Variants in CLDN16 observed in about 807,000 individuals in gnomAD.
CLDN16 encodes the protein claudin 16, also known as claudin-16.
A neutral mutation model predicts 24.6 loss-of-function variants in CLDN16; 13 were observed. The ratio of observed to expected loss-of-function variants is 0.53; its 90% confidence interval spans 0.34 to 0.84. The LOEUF (loss-of-function observed/expected upper bound fraction) is 0.84. Ranked by LOEUF, CLDN16 falls within the 40% of genes least tolerant of loss-of-function variation. CLDN16 has a pLI of 0.01. For missense variants in CLDN16, 298 were observed against 292.7 expected (o/e 1.02, Z -0.13); for synonymous variants, 116 against 106.7 (o/e 1.09, Z -0.54).
chr3:190,300,146 G>T, the CLDN16 span, among the ~76,000 whole-genome samples: 1 of 152,158 alleles, frequency 6.6e-6, no homozygotes, highest in African/African-American at 2.4e-5. Flanking sequence ...CTTCCACGGA[G>T]TGGGAGTTGA....
chr3:190,357,371 C>T (rs1210731238), intron 1 of CLDN16, among the ~76,000 whole-genome samples: 1 of 151,904 alleles, frequency 6.6e-6, no homozygotes, highest in Non-Finnish European at 1.5e-5. Context: ...ACTGTGTCCT[C>T]TCTCCTTACA....
chr3:190,333,945 G>A (rs1358384266), intron 1 of CLDN16, among the ~76,000 whole-genome samples: 2 of 152,100 alleles, frequency 1.3e-5, no homozygotes, highest in East Asian at 3.9e-4. Flanking sequence ...TTTAGGTAAA[G>A]AGTATTATGG....
the CLDN16 span, chr3:190,308,492 C>G: frequency 7.7e-6 from 12 of 1,552,244 alleles, no homozygotes; most frequent in South Asian, 1.2e-4. Flanking sequence ...GGCAACTTTT[C>G]TAATATAATA....
At chr3:190,290,785 GA>G in the CLDN16 span, among the ~76,000 whole-genome samples, 4 of 152,200 alleles carry the variant, frequency 2.6e-5, no homozygotes, top group Non-Finnish European at 5.9e-5. Context: ...TGAAAGAAAT[GA>G]AGAGGAATTA....
At chr3:190,390,850 A>T (rs1203559518) in intron 1 of CLDN16, among the ~76,000 whole-genome samples, 1 of 151,986 alleles carries the variant, frequency 6.6e-6, no homozygotes, top group African/African-American at 2.4e-5. Context: ...TACTGGTGTG[A>T]TCATATCTCA....
chr3:190,405,260 C>G (rs114479157), intron 3 of CLDN16, among the ~76,000 whole-genome samples: 1 of 151,722 alleles, frequency 6.6e-6, no homozygotes, highest in Non-Finnish European at 1.5e-5. Flanking sequence ...GAAACCCTAT[C>G]CCCACTAAAA....
chr3:190,381,975 A>T (rs1231145824), intron 3 of CLDN16, among the ~76,000 whole-genome samples: 3 of 152,120 alleles, frequency 2.0e-5, no homozygotes, highest in Non-Finnish European at 2.9e-5. Context: ...GGAAATACAA[A>T]ATAATGAAAG....
upstream of CLDN16, chr3:190,322,282 A>C: frequency 1.5e-6 from 2 of 1,328,388 alleles, no homozygotes; most frequent in East Asian, 2.4e-5. Context: ...GGCAACCCGG[A>C]CTCCCGAAGG....
chr3:190,409,489 A>G (rs763993367), intron 4 of CLDN16, among the ~76,000 whole-genome samples: 55 of 152,086 alleles, frequency 3.6e-4, no homozygotes, highest in Non-Finnish European at 7.4e-4. Flanking sequence ...CTATATATAT[A>G]TATTTTGATG....
At chr3:190,374,832 C>T (rs1463287715) in intron 3 of CLDN16, among the ~76,000 whole-genome samples, 4 of 151,734 alleles carry the variant, frequency 2.6e-5, no homozygotes, top group Admixed American at 6.6e-5. Flanking sequence ...TATTGTGTGC[C>T]GATTTTTATT....
At chr3:190,313,000 C>T in the CLDN16 span, 2 of 1,614,124 alleles carry the variant, frequency 1.2e-6, no homozygotes, top group Admixed American at 1.7e-5. Flanking sequence ...CAGGAGGATG[C>T]CAACCACCAT....
intron 1 of CLDN16, among the ~76,000 whole-genome samples, chr3:190,390,905 C>T (rs1372042965): frequency 2.6e-5 from 4 of 152,138 alleles, no homozygotes; most frequent in African/African-American, 9.7e-5. Context: ...CCCACCTCAG[C>T]CTCCCTAGTA....
chr3:190,400,839 G>T (rs1300592426), intron 1 of CLDN16, among the ~76,000 whole-genome samples: 1 of 152,058 alleles, frequency 6.6e-6, no homozygotes, highest in Non-Finnish European at 1.5e-5. Context: ...AGTGAGATTT[G>T]TTGGATCATA....
intron 1 of CLDN16, among the ~76,000 whole-genome samples, chr3:190,324,893 A>G (rs114282930): frequency 1.4e-3 from 208 of 152,318 alleles, no homozygotes; most frequent in African/African-American, 4.9e-3. Flanking sequence ...TCTGAAACAT[A>G]AACAGTAAAG....
chr3:190,394,153 T>A (rs1404587349), intron 1 of CLDN16, among the ~76,000 whole-genome samples: 1 of 152,162 alleles, frequency 6.6e-6, no homozygotes, highest in Non-Finnish European at 1.5e-5. Flanking sequence ...TGCTCACATT[T>A]ACAAAGAAAA....
upstream of CLDN16, among the ~76,000 whole-genome samples, chr3:190,383,637 A>G (rs1052060012): frequency 8.5e-5 from 13 of 152,142 alleles, no homozygotes; most frequent in African/African-American, 2.9e-4. Flanking sequence ...AACTTGCCCT[A>G]TATTTTATTC....
chr3:190,296,084 T>C, the CLDN16 span, among the ~76,000 whole-genome samples: 2 of 152,192 alleles, frequency 1.3e-5, no homozygotes, highest in Non-Finnish European at 2.9e-5. Context: ...ACCTTAATCA[T>C]TATACATTAG....
chr3:190,397,753 C>T (rs763145073), intron 1 of CLDN16, among the ~76,000 whole-genome samples: 1 of 152,094 alleles, frequency 6.6e-6, no homozygotes, highest in Non-Finnish European at 1.5e-5. Context: ...AATAGTGTGC[C>T]CCTGAGCATT....
intron 3 of CLDN16, 105 bp from the exon 4 acceptor site, chr3:190,408,209 T>C: frequency 9.0e-7 from 1 of 1,114,804 alleles, no homozygotes; most frequent in Non-Finnish European, 1.4e-6. Context: ...TTACTGTTTT[T>C]ACCTCTCTGA....
Sources: gnomAD v4.1 joint callset for allele counts (sites outside exome capture counted in the v4.1 genomes callset) on GRCh38, gnomAD v4.1.1 for gene constraint, MANE v1.5 for transcripts, NCBI Gene and HGNC (gene_info 2026-07-23, HGNC 2026-07-21) for gene names.